The following UNC13C variants were observed in gnomAD, a reference collection of about 807,000 sequenced individuals.
UNC13C encodes unc-13 homolog C.
A neutral mutation model predicts 245.4 loss-of-function variants in UNC13C; 174 were observed. That is an observed-to-expected ratio of 0.71 (90% CI 0.63 to 0.80). The LOEUF (loss-of-function observed/expected upper bound fraction) is 0.80, where lower values mean the gene tolerates loss of function less well. Ranked by LOEUF, UNC13C falls within the 30% of genes least tolerant of loss-of-function variation. The pLI is 0.00. For synonymous variants in UNC13C, 992 were observed against 895.1 expected (o/e 1.11, Z -1.93); for missense variants, 2,829 against 2,602.9 (o/e 1.09, Z -1.89).
intron 22 of UNC13C, among the ~76,000 whole-genome samples, chr15:54,506,097 T>A (rs1894461613): frequency 6.6e-6 from 1 of 152,154 alleles, no homozygotes; most frequent in Non-Finnish European, 1.5e-5. Flanking sequence ...GGAAGCAGAA[T>A]CATAAGAATT....
chr15:54,229,459 T>C (rs1300328596), intron 4 of UNC13C, among the ~76,000 whole-genome samples: 1 of 152,150 alleles, frequency 6.6e-6, no homozygotes, highest in East Asian at 1.9e-4. Context: ...GCTGACAGTC[T>C]TTTTATTTTT....
chr15:53,874,181 GT>G, the UNC13C span, among the ~76,000 whole-genome samples: 6 of 152,000 alleles, frequency 3.9e-5, no homozygotes, highest in African/African-American at 1.2e-4. Context: ...TTGCCATGTT[GT>G]CCAGGCTGTG....
chr15:54,272,457 C>A (rs2036711641), intron 10 of UNC13C, among the ~76,000 whole-genome samples: 1 of 152,184 alleles, frequency 6.6e-6, no homozygotes, highest in South Asian at 2.1e-4. Context: ...TACCAGCAGT[C>A]TTTTCCTAGG....
At chr15:54,153,702 A>G (rs1369654749) in intron 4 of UNC13C, among the ~76,000 whole-genome samples, 1 of 152,126 alleles carries the variant, frequency 6.6e-6, no homozygotes, top group Non-Finnish European at 1.5e-5. Context: ...ATTTCTAAGT[A>G]TATGTACCAA....
intron 30 of UNC13C, among the ~76,000 whole-genome samples, chr15:54,596,388 G>A (rs1195028686): frequency 6.6e-6 from 1 of 152,064 alleles, no homozygotes; most frequent in African/African-American, 2.4e-5. Flanking sequence ...TACTTTTGTG[G>A]GATTTTCATC....
the UNC13C span, among the ~76,000 whole-genome samples, chr15:53,907,905 A>T: frequency 6.8e-6 from 1 of 146,574 alleles, no homozygotes; most frequent in African/African-American, 2.4e-5. Flanking sequence ...AGATTACATC[A>T]CCCTTGATAT....
chr15:54,127,389 G>A (rs1013922520), intron 2 of UNC13C, among the ~76,000 whole-genome samples: 2 of 152,062 alleles, frequency 1.3e-5, no homozygotes, highest in African/African-American at 4.8e-5. Context: ...AAAAGGATGA[G>A]TTCATGACCT....
chr15:54,320,228 A>G (rs16974504), intron 13 of UNC13C, among the ~76,000 whole-genome samples: 12,953 of 152,052 alleles, frequency 0.085, 615 homozygotes, highest in East Asian at 0.18. Context: ...TGAAAATATG[A>G]CATTTCAGGA....
the UNC13C span, among the ~76,000 whole-genome samples, chr15:53,943,216 C>T: frequency 6.6e-6 from 1 of 152,124 alleles, no homozygotes; most frequent in Non-Finnish European, 1.5e-5. Flanking sequence ...GCTGCTTCTT[C>T]ATGTATCAAG....
At chr15:54,050,152 G>C (rs1365428015) in intron 2 of UNC13C, 7 of 387,276 alleles carry the variant, frequency 1.8e-5, no homozygotes, top group Admixed American at 1.8e-4. Context: ...TGTATTTTTA[G>C]TAGAGACAGG....
chr15:54,145,771 C>G (rs375519221), intron 4 of UNC13C, among the ~76,000 whole-genome samples: 2 of 152,238 alleles, frequency 1.3e-5, no homozygotes, highest in East Asian at 3.8e-4. Flanking sequence ...CCTTCGCCTA[C>G]AGCATCTATC....
intron 2 of UNC13C, among the ~76,000 whole-genome samples, chr15:54,128,630 A>C (rs1214633452): frequency 6.6e-6 from 1 of 152,178 alleles, no homozygotes; most frequent in Non-Finnish European, 1.5e-5. Flanking sequence ...TTTAGCAGGC[A>C]TGGTTTGACA....
intron 2 of UNC13C, among the ~76,000 whole-genome samples, chr15:54,059,110 C>T (rs1161992120): frequency 1.3e-5 from 2 of 152,082 alleles, no homozygotes; most frequent in Non-Finnish European, 2.9e-5. Context: ...AAGTTCTGGC[C>T]AGGGCAATCA....
chr15:54,620,527 G>T (rs1158795896), intron 30 of UNC13C, among the ~76,000 whole-genome samples: 1 of 152,060 alleles, frequency 6.6e-6, no homozygotes, highest in Non-Finnish European at 1.5e-5. Context: ...AGTTACTCGT[G>T]CTGCGAGAAA....
At chr15:54,237,507 A>T (rs1318015788) in intron 6 of UNC13C, 112 bp from the exon 7 acceptor site, 1 of 816,894 alleles carries the variant, frequency 1.2e-6, no homozygotes. Context: ...GTCCTTACTA[A>T]CTAAAATATG....
chr15:54,257,680 T>C (rs752274390), intron 8 of UNC13C, among the ~76,000 whole-genome samples: 21 of 152,186 alleles, frequency 1.4e-4, no homozygotes, highest in Non-Finnish European at 2.2e-4. Context: ...GATGACGCTA[T>C]GTTAGATCTG....
intron 26 of UNC13C, among the ~76,000 whole-genome samples, chr15:54,535,090 C>T (rs1266641569): frequency 6.6e-6 from 1 of 151,932 alleles, no homozygotes; most frequent in Non-Finnish European, 1.5e-5. Context: ...GACTAAATGT[C>T]CCACTTAAAA....
intron 2 of UNC13C, among the ~76,000 whole-genome samples, chr15:54,109,707 C>T (rs1900666775): frequency 6.6e-6 from 1 of 152,050 alleles, no homozygotes; most frequent in South Asian, 2.1e-4. Flanking sequence ...TAATCCACAC[C>T]TCATAAACCC....
At chr15:54,144,907 A>G (rs890510032) in intron 4 of UNC13C, among the ~76,000 whole-genome samples, 5 of 151,886 alleles carry the variant, frequency 3.3e-5, no homozygotes, top group African/African-American at 1.2e-4. Context: ...ACCTCTTTAT[A>G]TATGAATATA....
Sources: allele counts gnomAD v4.1 joint callset (sites outside exome capture counted in the v4.1 genomes callset), GRCh38; gene constraint gnomAD v4.1.1; transcripts MANE v1.5; gene names NCBI Gene and HGNC (gene_info 2026-07-23, HGNC 2026-07-21).